PIAS1: variants seen among roughly 807,000 people sequenced by gnomAD.
The protein encoded by PIAS1 is protein inhibitor of activated STAT 1.
A neutral mutation model predicts 71.3 loss-of-function variants in PIAS1; 6 were observed. The ratio of observed to expected loss-of-function variants is 0.08; its 90% CI spans 0.05 to 0.17. The LOEUF (loss-of-function observed/expected upper bound fraction) is 0.17, where lower values mean the gene tolerates loss of function less well. Ranked by LOEUF, PIAS1 falls within the 10% of genes least tolerant of loss-of-function variation. PIAS1 has a pLI of 1.00. For synonymous variants in PIAS1, 303 were observed against 292.9 expected (o/e 1.03, Z -0.35); for missense variants, 555 against 793.6 (o/e 0.70, Z 3.61).
chr15:68,147,199 T>C (rs1245235324), intron 6 of PIAS1, among the ~76,000 whole-genome samples: 2 of 152,228 alleles, frequency 1.3e-5, no homozygotes, highest in Non-Finnish European at 2.9e-5. Flanking sequence ...ACAGATTACC[T>C]TCTCCAAAGG....
intron 7 of PIAS1, among the ~76,000 whole-genome samples, chr15:68,156,119 A>T (rs929065952): frequency 6.6e-6 from 1 of 152,218 alleles, no homozygotes; most frequent in African/African-American, 2.4e-5. Context: ...TGTTCCAGGA[A>T]CAGGAGAATA....
chr15:68,118,109 C>T (rs1391804639), intron 2 of PIAS1, among the ~76,000 whole-genome samples: 1 of 152,030 alleles, frequency 6.6e-6, no homozygotes, highest in Non-Finnish European at 1.5e-5. Context: ...CGGGGCAGAT[C>T]ACCTGAGGTC....
chr15:68,192,487 A>G lies in PIAS1; in HGVS notation c.*4652A>G, dbSNP rs1249741162. On this transcript the variant is annotated 3_prime_UTR_variant, in exon 14 of 14. Coordinates refer to ENST00000249636, the MANE Select transcript of PIAS1 (RefSeq NM_016166.3). ...CAGCCAGATGGTCACAACTTCACCT[A>G]GTTGGCATTTGGGCCATTTATTTAC... The G allele has an allele frequency of 5.9e-5, 9 of 152,232 alleles. No homozygotes were observed. The highest frequency in any genetic ancestry group is 1.0e-4 in the Non-Finnish European group (7 of 68,078). The allele number at this position is 152,232 out of a possible 1,614,324, so 9.4% of individuals were successfully genotyped here. A position where few individuals can be genotyped will look rare whatever the true frequency, so the allele number is the denominator to read the frequency against.
chr15:68,055,811 C>T (rs2091889908), intron 1 of PIAS1: 1 of 644,050 alleles, frequency 1.6e-6, no homozygotes, highest in East Asian at 2.7e-5. Context: ...CAACCAAATG[C>T]CAGATTTGAT....
intron 6 of PIAS1, among the ~76,000 whole-genome samples, chr15:68,150,165 C>T (rs531896064): frequency 5.9e-5 from 9 of 151,346 alleles, no homozygotes; most frequent in East Asian, 3.9e-4. Context: ...TCCCTTTTTC[C>T]TCCTTTTTGG....
At chr15:68,090,927 G>GTT (rs1555425137) in intron 2 of PIAS1, among the ~76,000 whole-genome samples, 1 of 142,762 alleles carries the variant, frequency 7.0e-6, no homozygotes, top group Non-Finnish European at 1.5e-5. Context: ...GTCATTTACG[G>GTT]GTGTGTGTGT....
chr15:68,058,954 A>T (rs1162027086), intron 1 of PIAS1, among the ~76,000 whole-genome samples: 4 of 150,736 alleles, frequency 2.7e-5, no homozygotes, highest in Non-Finnish European at 5.9e-5. Flanking sequence ...ATCATTTGAA[A>T]CCTTACATTG....
At chr15:68,131,537 T>C (rs551616948) in intron 2 of PIAS1, among the ~76,000 whole-genome samples, 1 of 152,284 alleles carries the variant, frequency 6.6e-6, no homozygotes, top group Non-Finnish European at 1.5e-5. Context: ...ACCATTCTAC[T>C]CTTTGTTTCT....
chr15:68,176,158 C>T (rs922838170), intron 10 of PIAS1, among the ~76,000 whole-genome samples: 5 of 151,920 alleles, frequency 3.3e-5, no homozygotes, highest in Non-Finnish European at 5.9e-5. Flanking sequence ...ATGCTATCAT[C>T]GTATTTAAGT....
At chr15:68,066,630 T>G (rs924732118) in intron 1 of PIAS1, among the ~76,000 whole-genome samples, 1 of 152,188 alleles carries the variant, frequency 6.6e-6, no homozygotes, top group African/African-American at 2.4e-5. Context: ...TTTCAGTTTC[T>G]TTCTGCATTT....
Position 68,089,807 on chromosome 15 carries a change from C to T in PIAS1, c.469+3057C>T, listed in dbSNP as rs563254371. On this transcript the variant is annotated intron_variant, in intron 2 of 13. Transcript: ENST00000249636. The stretch of plus-strand genomic sequence containing the variant: ...CTGACCTCAGTTGATCCGCCCACCT[C>T]GGCCTCCCAAAGTGCTGGGATTACA... Among the ~76,000 whole-genome samples, 32 of 152,170 alleles carry T rather than the reference C, an allele frequency of 2.1e-4. No homozygotes were observed. The South Asian group carries it at 2.5e-3, about 12-fold the overall frequency.
chr15:68,100,753 A>G (rs1234257405), intron 2 of PIAS1, among the ~76,000 whole-genome samples: 4 of 152,122 alleles, frequency 2.6e-5, no homozygotes, highest in African/African-American at 2.4e-5. Flanking sequence ...GACTGACTGT[A>G]TCATTTTACA....
Position 68,121,961 on chromosome 15 carries a change from C to G in PIAS1, c.470-19985C>G, listed in dbSNP as rs578084056. On this transcript the variant is annotated intron_variant, in intron 2 of 13. Coordinates refer to ENST00000249636, the MANE Select transcript of PIAS1 (RefSeq NM_016166.3). ...TGGGTGATATGGCGAAACTCTGTCT[C>G]TACAAAAAATACAAAAAATTAGCCA... Among the ~76,000 whole-genome samples the G allele has an allele frequency of 1.3e-4, 20 of 152,136 alleles. No homozygotes were observed. The South Asian group carries it at 4.2e-3, about 32-fold the overall frequency.
intron 6 of PIAS1, among the ~76,000 whole-genome samples, chr15:68,151,471 C>T (rs1040407952): frequency 1.3e-5 from 2 of 151,922 alleles, no homozygotes; most frequent in Admixed American, 1.3e-4. Flanking sequence ...CAGTTTCTGT[C>T]ATACTTGAAG....
chr15:68,166,842 T>C (rs2141081042), intron 8 of PIAS1, among the ~76,000 whole-genome samples: 1 of 152,356 alleles, frequency 6.6e-6, no homozygotes, highest in East Asian at 1.9e-4. Context: ...ATTTTCTTTT[T>C]TGAGACGGGG....
At chr15:68,059,897 G>A (rs1384179857) in intron 1 of PIAS1, among the ~76,000 whole-genome samples, 1 of 152,036 alleles carries the variant, frequency 6.6e-6, no homozygotes. Context: ...TTACAGGTGT[G>A]AGGTACTGTG....
chr15:68,127,141 G>C (rs1161862697), intron 2 of PIAS1, among the ~76,000 whole-genome samples: 1 of 151,324 alleles, frequency 6.6e-6, no homozygotes, highest in Admixed American at 6.6e-5. Flanking sequence ...GGCCAGGCTG[G>C]TCTTGAACTC....
chr15:68,084,113 T>A (rs1296747458), intron 1 of PIAS1, among the ~76,000 whole-genome samples: 1 of 152,190 alleles, frequency 6.6e-6, no homozygotes, highest in South Asian at 2.1e-4. Flanking sequence ...CTGCATTGCA[T>A]CTGAATCTTT....
intron 7 of PIAS1, 136 bp downstream of exon 7, chr15:68,153,831 C>CT (rs1194846324): frequency 3.7e-6 from 2 of 544,352 alleles, no homozygotes; most frequent in African/African-American, 3.8e-5. Context: ...GTTCTGATAT[C>CT]TTTGTCATGA....
Sources: gnomAD v4.1 joint callset for allele counts (sites outside exome capture counted in the v4.1 genomes callset) on GRCh38, gnomAD v4.1.1 for gene constraint, MANE v1.5 for transcripts, NCBI Gene and HGNC (gene_info 2026-07-23, HGNC 2026-07-21) for gene names.